Variants in PRKDC observed in about 807,000 individuals in gnomAD.
The protein encoded by PRKDC is DNA-dependent protein kinase catalytic subunit.
In PRKDC, 82 loss-of-function variants were observed where a neutral mutation model predicts 486.9. The observed-to-expected ratio is 0.17, with a 90% CI of 0.14 to 0.20. The LOEUF is 0.20. Ranked by LOEUF, PRKDC falls within the 10% of genes least tolerant of loss-of-function variation. The probability of loss-of-function intolerance (pLI) is 1.00; values close to 1 mark genes in which losing one functional copy is unlikely to be tolerated. For synonymous variants in PRKDC, 1,895 were observed against 1,837.0 expected (o/e 1.03, Z -0.81); for missense variants, 4,504 against 5,038.2 (o/e 0.89, Z 3.21).
chr8:47,820,716 T>C lies in PRKDC; in HGVS notation c.9336+3A>G, dbSNP rs1218274468. The C allele has an allele frequency of 2.0e-6, 3 of 1,486,336 alleles. No homozygotes were observed. The highest frequency in any genetic ancestry group is 1.4e-5 in the African/African-American group (1 of 71,698). 92.1% of individuals were successfully genotyped at this position (1,486,336 alleles called of 1,614,324 possible). A position where few individuals can be genotyped will look rare whatever the true frequency, so the allele number is the denominator to read the frequency against. On this transcript the variant is annotated splice_donor_region_variant and intron_variant, in intron 66 of 85. Coordinates refer to ENST00000314191, the MANE Select transcript of PRKDC (RefSeq NM_006904.7). ...AGCATATATATATAATATATAGTATTACCTGCATAAAACTCTGAATGCCAT... is the reference window on the plus strand; with the variant it reads ...AGCATATATATATAATATATAGTATCACCTGCATAAAACTCTGAATGCCAT...
chr8:47,908,496 G>C (rs1044484582), intron 25 of PRKDC, among the ~76,000 whole-genome samples: 1 of 152,124 alleles, frequency 6.6e-6, no homozygotes, highest in African/African-American at 2.4e-5. Context: ...AAACTTTATA[G>C]AAAGACACAG....
At chr8:47,783,282 AAAAAAAAAG>A (rs2086728602) in intron 78 of PRKDC, among the ~76,000 whole-genome samples, 1 of 147,286 alleles carries the variant, frequency 6.8e-6, no homozygotes, top group Non-Finnish European at 1.5e-5. Flanking sequence ...TTGTCTCAAA[AAAAAAAAAG>A]AAAAAAAAAA....
chr8:47,775,200 T>A (rs576136621), intron 85 of PRKDC, among the ~76,000 whole-genome samples: 9 of 150,656 alleles, frequency 6.0e-5, no homozygotes, highest in African/African-American at 2.4e-5. Context: ...AATAAATAAA[T>A]AAATAAATAA....
intron 63 of PRKDC, among the ~76,000 whole-genome samples, chr8:47,826,023 G>C (rs1445047137): frequency 6.6e-6 from 1 of 152,192 alleles, no homozygotes; most frequent in Non-Finnish European, 1.5e-5. Flanking sequence ...AAAACAGCAC[G>C]AAGCACAAGG....
intron 30 of PRKDC, among the ~76,000 whole-genome samples, chr8:47,896,275 G>A (rs1188085770): frequency 6.6e-6 from 1 of 151,866 alleles, no homozygotes; most frequent in Non-Finnish European, 1.5e-5. Flanking sequence ...AAAATGTAAA[G>A]TCCTTTTTAG....
intron 84 of PRKDC, among the ~76,000 whole-genome samples, chr8:47,777,456 G>A (rs569134201): frequency 4.5e-4 from 69 of 152,192 alleles, no homozygotes; most frequent in African/African-American, 1.5e-3. Flanking sequence ...TGATCCTCCC[G>A]TCTCTGCCTC....
At chr8:47,848,655 A>G (rs1467221382) in intron 54 of PRKDC, among the ~76,000 whole-genome samples, 1 of 143,294 alleles carries the variant, frequency 7.0e-6, no homozygotes, top group African/African-American at 2.6e-5. Flanking sequence ...AAAAAAATGA[A>G]AAAAAAAAAA....
At chr8:47,822,317 T>C (rs1249862572) in intron 64 of PRKDC, among the ~76,000 whole-genome samples, 4 of 150,158 alleles carry the variant, frequency 2.7e-5, no homozygotes, top group African/African-American at 7.3e-5. Context: ...ACAAAAATCC[T>C]AACTAGGAGG....
At chr8:47,798,815 CT>C (rs1168719883) in intron 72 of PRKDC, among the ~76,000 whole-genome samples, 130 of 146,188 alleles carry the variant, frequency 8.9e-4, no homozygotes, top group Middle Eastern at 3.5e-3. Context: ...TTGTCTCTCT[CT>C]TTTTTTTTTT....
At chr8:47,851,889 A>T (rs1460861257) in intron 52 of PRKDC, among the ~76,000 whole-genome samples, 2 of 152,140 alleles carry the variant, frequency 1.3e-5, no homozygotes, top group Non-Finnish European at 2.9e-5. Flanking sequence ...AGAGCACCTT[A>T]TCCCAGTGAT....
chr8:47,801,267 T>G (rs2087103673), intron 70 of PRKDC, among the ~76,000 whole-genome samples: 1 of 152,166 alleles, frequency 6.6e-6, no homozygotes, highest in African/African-American at 2.4e-5. Flanking sequence ...AGATGGGGTT[T>G]CGCCATGTTG....
At chr8:47,881,221 G>A (rs1204600000) in intron 38 of PRKDC, among the ~76,000 whole-genome samples, 195 bp downstream of exon 38, 2 of 152,170 alleles carry the variant, frequency 1.3e-5, no homozygotes, top group African/African-American at 4.8e-5. Flanking sequence ...TGGGTTGACC[G>A]CACAGGTGAA....
At chr8:47,793,316 C>T (rs2086914489) in intron 74 of PRKDC, among the ~76,000 whole-genome samples, 1 of 152,126 alleles carries the variant, frequency 6.6e-6, no homozygotes, top group South Asian at 2.1e-4. Flanking sequence ...CACAGATAAG[C>T]CACCCATTAA....
At chr8:47,807,458 GC>G in intron 68 of PRKDC, 132 bp from the exon 69 acceptor site, 2 of 756,078 alleles carry the variant, frequency 2.6e-6, no homozygotes, top group Non-Finnish European at 3.9e-6. Context: ...TCACTCTGTT[GC>G]CCAGGCTGGA....
chr8:47,784,316 C>G (rs2086754393), intron 77 of PRKDC, among the ~76,000 whole-genome samples: 1 of 151,920 alleles, frequency 6.6e-6, no homozygotes, highest in Admixed American at 6.6e-5. Flanking sequence ...GCACTCTATT[C>G]TAATAGCATG....
chr8:47,843,029 G>A (rs1246618235), intron 54 of PRKDC, among the ~76,000 whole-genome samples: 2 of 152,146 alleles, frequency 1.3e-5, no homozygotes, highest in Non-Finnish European at 2.9e-5. Flanking sequence ...GCTGGGCATG[G>A]TGGTGCATGC....
intron 7 of PRKDC, among the ~76,000 whole-genome samples, chr8:47,952,495 A>G (rs1385978738): frequency 6.6e-6 from 1 of 152,186 alleles, no homozygotes; most frequent in African/African-American, 2.4e-5. Context: ...TCAGTAGCAC[A>G]TTGGGACCCT....
At chr8:47,908,196 C>A (rs144471477) in intron 25 of PRKDC, among the ~76,000 whole-genome samples, 429 of 152,330 alleles carry the variant, frequency 2.8e-3, no homozygotes, top group African/African-American at 9.9e-3. Context: ...AAACATTGTT[C>A]ATCTTTTAAA....
At chr8:47,776,716 C>A in intron 85 of PRKDC, 128 bp downstream of exon 85, 1 of 1,279,490 alleles carries the variant, frequency 7.8e-7, no homozygotes, top group Non-Finnish European at 1.1e-6. Context: ...TGCTTTCCTC[C>A]TCAATGAAAG....
Sources: gnomAD v4.1 joint callset for allele counts (sites outside exome capture counted in the v4.1 genomes callset) on GRCh38, gnomAD v4.1.1 for gene constraint, MANE v1.5 for transcripts, NCBI Gene and HGNC (gene_info 2026-07-23, HGNC 2026-07-21) for gene names.